The following CACNA2D2 variants were observed in gnomAD, a reference collection of about 807,000 sequenced individuals.
CACNA2D2 encodes the protein calcium voltage-gated channel auxiliary subunit alpha2delta 2.
CACNA2D2 carries 48 observed loss-of-function variants against 166.4 expected under a neutral mutation model. The ratio of observed to expected loss-of-function variants is 0.29; its 90% confidence interval spans 0.23 to 0.37. The LOEUF (loss-of-function observed/expected upper bound fraction) is 0.37, where lower values mean the gene tolerates loss of function less well. Among genes scored for constraint, CACNA2D2 ranks in the 10% least tolerant of loss-of-function variants. The probability of loss-of-function intolerance (pLI) is 1.00; values close to 1 mark genes in which losing one functional copy is unlikely to be tolerated. For missense variants in CACNA2D2, 1,122 were observed against 1,433.0 expected, an observed-to-expected ratio of 0.78 and a Z score of 3.50; for synonymous variants, 561 against 573.7, an observed-to-expected ratio of 0.98 and a Z score of 0.32.
chr3:50,367,246 A>G lies in CACNA2D2; in HGVS notation c.2402-137T>C. Reference sequence around the variant, plus strand: ...CCCAGCACTCAGGACAGTGTTTGGCACAGTCTATCCCTCTTTTCACGTCTG... The same window carrying G: ...CCCAGCACTCAGGACAGTGTTTGGCGCAGTCTATCCCTCTTTTCACGTCTG... On this transcript the variant is annotated intron_variant, in intron 27 of 37. Transcript: ENST00000424201. This position sits in a 1 kb window ranked among gnomAD's most constrained non-coding sequence, Gnocchi z 6.5. 1 of 986,740 alleles carries G rather than the reference A, an allele frequency of 1.0e-6. No homozygotes were observed. The highest frequency in any genetic ancestry group is 1.6e-6 in the Non-Finnish European group (1 of 638,010). 61.1% of individuals were successfully genotyped at this position (986,740 alleles called of 1,614,324 possible).
intron 5 of CACNA2D2, among the ~76,000 whole-genome samples, chr3:50,385,086 GC>G (rs1253764196): frequency 2.0e-5 from 3 of 151,996 alleles, no homozygotes; most frequent in African/African-American, 7.2e-5. Context: ...TGCACCGTGC[GC>G]CCCCGCCCAC....
chr3:50,457,039 C>G (rs1467972476), intron 2 of CACNA2D2, among the ~76,000 whole-genome samples: 4 of 152,196 alleles, frequency 2.6e-5, no homozygotes, highest in Non-Finnish European at 1.5e-5. Flanking sequence ...CACTTGAGGC[C>G]AGGAGTTTGA....
intron 1 of CACNA2D2, among the ~76,000 whole-genome samples, chr3:50,479,012 C>T (rs1697924378): frequency 6.6e-6 from 1 of 152,162 alleles, no homozygotes; most frequent in Non-Finnish European, 1.5e-5. Flanking sequence ...GGAGAAGAGA[C>T]ATGGATGCCA....
At chr3:50,489,503 A>G (rs890421924) in intron 1 of CACNA2D2, among the ~76,000 whole-genome samples, 7 of 152,180 alleles carry the variant, frequency 4.6e-5, no homozygotes, top group Admixed American at 2.6e-4. Context: ...GGCCATAGTC[A>G]TGAGGTCTGG....
intron 3 of CACNA2D2, among the ~76,000 whole-genome samples, chr3:50,432,267 T>C (rs2106883485): frequency 6.6e-6 from 1 of 152,248 alleles, no homozygotes; most frequent in East Asian, 1.9e-4. Flanking sequence ...GGCAGGAGGC[T>C]GGGCCCTGGG....
At chr3:50,373,273 A>G (rs1704754580) in intron 22 of CACNA2D2, among the ~76,000 whole-genome samples, 1 of 151,044 alleles carries the variant, frequency 6.6e-6, no homozygotes, top group Admixed American at 6.6e-5. Context: ...ATGAGAGAGA[A>G]AGAGAGAGCA....
chr3:50,461,442 C>A (rs912181095), intron 2 of CACNA2D2, among the ~76,000 whole-genome samples: 2 of 152,150 alleles, frequency 1.3e-5, no homozygotes, highest in Non-Finnish European at 2.9e-5. Flanking sequence ...AGGAAGCCAA[C>A]TGAAAATGTT....
At chr3:50,476,777 G>A (rs1043528378) in intron 1 of CACNA2D2, among the ~76,000 whole-genome samples, 2 of 152,118 alleles carry the variant, frequency 1.3e-5, no homozygotes, top group Non-Finnish European at 2.9e-5. Flanking sequence ...GTAGACAGAC[G>A]CTTACCCGAG....
chr3:50,460,360 A>G (rs1212320719), intron 2 of CACNA2D2, among the ~76,000 whole-genome samples: 1 of 152,232 alleles, frequency 6.6e-6, no homozygotes, highest in African/African-American at 2.4e-5. Flanking sequence ...AGGAAACTGG[A>G]CAAAGGGTTA....
chr3:50,441,469 A>AAAGACAC lies in CACNA2D2; in HGVS notation c.289-7047_289-7041dup, dbSNP rs201542274. Among the ~76,000 whole-genome samples the AAAGACAC allele has an allele frequency of 3.4e-3, 511 of 152,344 alleles. 4 individuals carry two copies. The highest frequency in any genetic ancestry group is 0.012 in the African/African-American group (483 of 41,570). On this transcript the variant is annotated intron_variant, in intron 2 of 37. Coordinates refer to ENST00000424201, the MANE Select transcript of CACNA2D2 (RefSeq NM_006030.4). Reference sequence around the variant, plus strand: ...AAAAGGCTCAATCTCTTGTTTTTCAAAAGACACAAAACCCAACACAAAACA... The same window carrying AAAGACAC: ...AAAAGGCTCAATCTCTTGTTTTTCAAAAGACACAAGACACAAAACCCAACACAAAACA...
intron 2 of CACNA2D2, among the ~76,000 whole-genome samples, chr3:50,460,319 T>C (rs1285716773): frequency 6.6e-6 from 1 of 152,202 alleles, no homozygotes; most frequent in Non-Finnish European, 1.5e-5. Context: ...TTTTGATATT[T>C]ATACCACGGT....
chr3:50,377,566 C>A, intron 16 of CACNA2D2, 25 bp from the exon 17 acceptor site: 1 of 1,609,344 alleles, frequency 6.2e-7, no homozygotes. Flanking sequence ...ATGGGGGGCT[C>A]CTCAGTGAGC....
intron 1 of CACNA2D2, among the ~76,000 whole-genome samples, chr3:50,481,705 TA>T (rs1698064121): frequency 6.6e-6 from 1 of 152,130 alleles, no homozygotes; most frequent in Non-Finnish European, 1.5e-5. Context: ...CAATTTAAAA[TA>T]AAGTGCAGGC....
intron 2 of CACNA2D2, among the ~76,000 whole-genome samples, chr3:50,463,384 C>A (rs186436146): frequency 6.6e-6 from 1 of 152,010 alleles, no homozygotes; most frequent in Non-Finnish European, 1.5e-5. Context: ...TCATTGCAAT[C>A]TCGACCTCAG....
chr3:50,492,840 G>A (rs930415138), intron 1 of CACNA2D2, among the ~76,000 whole-genome samples: 1 of 151,896 alleles, frequency 6.6e-6, no homozygotes, highest in African/African-American at 2.4e-5. Context: ...TGGAGGAGGT[G>A]AGATGCAGGA....
chr3:50,376,052 G>C lies in CACNA2D2; in HGVS notation c.1702-18C>G. On this transcript the variant is annotated intron_variant, in intron 18 of 37. Coordinates refer to ENST00000424201, the MANE Select transcript of CACNA2D2 (RefSeq NM_006030.4). This position sits in a 1 kb window ranked among gnomAD's most constrained non-coding sequence, Gnocchi z 4.3. ...TTGGTGGTCTGTTGGAGGCAGGGTG[G>C]GAAGTCAGAAGTCCCCATTGTGGAA... The C allele has an allele frequency of 6.2e-7, 1 of 1,613,258 alleles. No homozygotes were observed. Among genetic ancestry groups the C allele is most frequent in the Non-Finnish European group, 8.5e-7 (1 of 1,179,994 alleles).
intron 1 of CACNA2D2, among the ~76,000 whole-genome samples, chr3:50,487,130 T>C (rs1698320320): frequency 6.6e-6 from 1 of 152,112 alleles, no homozygotes; most frequent in African/African-American, 2.4e-5. Flanking sequence ...TGAACCACAA[T>C]CTGAACCCAG....
chr3:50,453,800 A>C (rs1162243185), intron 2 of CACNA2D2, among the ~76,000 whole-genome samples: 3 of 152,184 alleles, frequency 2.0e-5, no homozygotes, highest in South Asian at 4.1e-4. Flanking sequence ...GTAGATGTGC[A>C]AGGCAAAGCA....
intron 1 of CACNA2D2, among the ~76,000 whole-genome samples, chr3:50,476,951 A>T (rs1697807173): frequency 7.2e-6 from 1 of 139,108 alleles, no homozygotes. Flanking sequence ...TTTTTTTGAG[A>T]CAGAGTCTCG....
Sources: gnomAD v4.1 joint callset for allele counts (sites outside exome capture counted in the v4.1 genomes callset) on GRCh38, gnomAD v4.1.1 for gene constraint, Gnocchi (gnomAD v3.1) non-coding constraint, MANE v1.5 for transcripts, NCBI Gene and HGNC (gene_info 2026-07-23, HGNC 2026-07-21) for gene names.